Variants in ZBTB1 observed in about 807,000 individuals in gnomAD.
ZBTB1 encodes the protein zinc finger and BTB domain-containing protein 1.
ZBTB1 carries 13 observed loss-of-function variants against 51.6 expected under a neutral mutation model. That is an observed-to-expected ratio of 0.25 (90% CI 0.16 to 0.40). ZBTB1 has a LOEUF of 0.40. ZBTB1 is among the 10% of genes least tolerant of loss of function. ZBTB1 has a pLI of 1.00. For synonymous variants in ZBTB1, 240 were observed against 282.2 expected (o/e 0.85, Z 1.50); for missense variants, 567 against 856.5 (o/e 0.66, Z 4.22).
chr14:64,529,563 G>A (rs1157334448), downstream of ZBTB1, among the ~76,000 whole-genome samples: 3 of 152,072 alleles, frequency 2.0e-5, no homozygotes, highest in African/African-American at 7.2e-5. Flanking sequence ...CTTGAGCCCA[G>A]GAGTTTGAGA....
intron 1 of ZBTB1, among the ~76,000 whole-genome samples, chr14:64,512,329 A>C (rs2079733792): frequency 1.3e-5 from 2 of 152,210 alleles, no homozygotes; most frequent in African/African-American, 4.8e-5. Context: ...AGCACATATT[A>C]AGTGTCAACT....
intron 1 of ZBTB1, among the ~76,000 whole-genome samples, chr14:64,517,975 A>G (rs755395368): frequency 6.6e-6 from 1 of 151,416 alleles, no homozygotes; most frequent in Non-Finnish European, 1.5e-5. Flanking sequence ...CTGGGTTTAC[A>G]GGCATGTGCC....
At chr14:64,510,004 A>G (rs1159292956) in intron 1 of ZBTB1, among the ~76,000 whole-genome samples, 1 of 151,372 alleles carries the variant, frequency 6.6e-6, no homozygotes, top group Non-Finnish European at 1.5e-5. Context: ...AAAGTGTAGG[A>G]TCTGCTCAAA....
intron 1 of ZBTB1, among the ~76,000 whole-genome samples, chr14:64,506,229 C>T (rs1016757891): frequency 6.6e-5 from 10 of 151,984 alleles, no homozygotes; most frequent in Admixed American, 2.0e-4. Flanking sequence ...GGGGTTCCTC[C>T]TCTTAAAGAA....
upstream of ZBTB1, chr14:64,503,717 A>G: frequency 4.9e-6 from 3 of 614,142 alleles, no homozygotes; most frequent in Non-Finnish European, 6.1e-6. Flanking sequence ...CGGGCTCCCA[A>G]GCCGCGCACT....
At position 64,524,187 on chromosome 14, in the gene ZBTB1, TA is replaced by T; in HGVS notation, c.*543del. On this transcript the variant is annotated 3_prime_UTR_variant, in exon 2 of 2. Transcript: ENST00000683701. ...TTAGGCAAGTTAGGTGCACTGAATC[TA>T]ACCTTTAAGGTTGACATGGGCTCAA... is the stretch of plus-strand genomic sequence containing the variant. 2 of 985,348 alleles carry T rather than the reference TA, an allele frequency of 2.0e-6. No homozygotes were observed. Among genetic ancestry groups the T allele is most frequent in the Non-Finnish European group, 2.4e-6 (2 of 829,870 alleles). 61.0% of individuals were successfully genotyped at this position (985,348 alleles called of 1,614,324 possible).
intron 1 of ZBTB1, among the ~76,000 whole-genome samples, chr14:64,520,564 T>C (rs906613060): frequency 8.5e-5 from 13 of 152,162 alleles, no homozygotes; most frequent in Non-Finnish European, 1.8e-4. Context: ...AAATAGATTA[T>C]TTTAACAACA....
At chr14:64,532,048 A>G (rs2079946005) in exon 3 of ZBTB1, 1 of 848,932 alleles carries the variant, frequency 1.2e-6, no homozygotes, top group African/African-American at 1.7e-5. Context: ...AGTTGCAAAG[A>G]TCCAAGAAAA....
chr14:64,517,663 T>G (rs1484910463), intron 1 of ZBTB1, among the ~76,000 whole-genome samples: 2 of 150,934 alleles, frequency 1.3e-5, no homozygotes, highest in Non-Finnish European at 3.0e-5. Context: ...GTGGATTTGT[T>G]TTATATAATT....
Position 64,523,452 on chromosome 14 carries a change from G to A in ZBTB1, c.1948G>A (p.Val650Ile). The change falls in exon 2 of 2, where the codon GTA becomes ATA. Residue 650 changes from valine to isoleucine, a missense_variant. Val to Ile is a conservative substitution (Grantham distance 29). Around this residue, in one of 5 missense-constraint regions of ZBTB1, gnomAD observed 69 missense variants for 171.8 expected, o/e 0.40. Transcript: ENST00000683701. This position sits in a 1 kb window ranked among gnomAD's most constrained non-coding sequence, Gnocchi z 4.5. ...AGGAAACTTCAGAAAACATGACCAT[G>A]TACGGCATATGATTTCTCATTTATC... is the stretch of plus-strand genomic sequence containing the variant. ...DQGNFRKHDHVRHMISHLSAG... is the reference protein window; with the variant it reads ...DQGNFRKHDHIRHMISHLSAG... The A allele has an allele frequency of 6.2e-7, 1 of 1,614,148 alleles. No homozygotes were observed.
intron 1 of ZBTB1, among the ~76,000 whole-genome samples, chr14:64,513,022 T>A (rs2079741205): frequency 6.6e-6 from 1 of 152,154 alleles, no homozygotes; most frequent in South Asian, 2.1e-4. Context: ...TGTTATTTAA[T>A]CTTGAAAATG....
At chr14:64,514,099 C>A (rs1473829306) in intron 1 of ZBTB1, 1 of 152,186 alleles carries the variant, frequency 6.6e-6, no homozygotes, top group African/African-American at 2.4e-5. Context: ...TATGAGTATT[C>A]AATAGATTCT....
intron 1 of ZBTB1, among the ~76,000 whole-genome samples, chr14:64,519,754 G>A (rs2079840216): frequency 6.6e-6 from 1 of 150,720 alleles, no homozygotes; most frequent in Non-Finnish European, 1.5e-5. Context: ...CTCCAGCCTA[G>A]GTAACAGAGC....
At chr14:64,506,676 T>C (rs1364430005) in intron 1 of ZBTB1, among the ~76,000 whole-genome samples, 1 of 152,208 alleles carries the variant, frequency 6.6e-6, no homozygotes, top group East Asian at 1.9e-4. Context: ...CAAGCAGGCT[T>C]TCTCCATTAA....
At chr14:64,532,020 A>G (rs1353320567) in exon 3 of ZBTB1, 1 of 1,222,100 alleles carries the variant, frequency 8.2e-7, no homozygotes, top group Non-Finnish European at 1.1e-6. Context: ...ACAAACTTCC[A>G]TCAACCCAAA....
Position 64,524,716 on chromosome 14 carries a change from G to A in ZBTB1, c.*1070G>A. 1.0e-6 allele frequency: 1 copy of A among 984,882 alleles called. No homozygotes were observed. Among genetic ancestry groups the A allele is most frequent in the Non-Finnish European group, 1.2e-6 (1 of 829,498 alleles). 61.0% of individuals were successfully genotyped at this position (984,882 alleles called of 1,614,324 possible). A position where few individuals can be genotyped will look rare whatever the true frequency, so the allele number is the denominator to read the frequency against. On this transcript the variant is annotated 3_prime_UTR_variant, in exon 2 of 2. Coordinates refer to ENST00000683701, the MANE Select transcript of ZBTB1 (RefSeq NM_001123329.2). Reference sequence around the variant, plus strand: ...GTTTTATACTGTCTAAGATTTGGAGGAAATGTGGCAAATTGCAGTTTATCG... The same window carrying A: ...GTTTTATACTGTCTAAGATTTGGAGAAAATGTGGCAAATTGCAGTTTATCG...
At position 64,521,055 on chromosome 14, in the gene ZBTB1, G is replaced by A. The variant is rs79122684; in HGVS notation, c.-18-432G>A. ...TTTTAAACTTTTTTGTAGAGAAGAG[G>A]TCTCACACTATTGCCCAGGCTGGTC... is the stretch of plus-strand genomic sequence containing the variant. On this transcript the variant is annotated intron_variant, in intron 1 of 1. Transcript: ENST00000683701. Among the ~76,000 whole-genome samples, 743 of 152,100 alleles carry A rather than the reference G, an allele frequency of 4.9e-3. 5 individuals are homozygous for A. Among genetic ancestry groups the A allele is most frequent in the African/African-American group, 0.017 (714 of 41,504 alleles).
At chr14:64,506,553 A>G (rs1382881224) in intron 1 of ZBTB1, among the ~76,000 whole-genome samples, 1 of 152,148 alleles carries the variant, frequency 6.6e-6, no homozygotes, top group African/African-American at 2.4e-5. Flanking sequence ...AACAACAACA[A>G]CAACAAAAAC....
In ZBTB1 at chr14:64,521,896, C is replaced by G; in HGVS notation, c.392C>G (p.Ser131Cys). Reference protein sequence around the residue: ...CSSSKCSSSASSKQNSKMIFG... With the variant: ...CSSSKCSSSACSKQNSKMIFG... Reference sequence around the variant, plus strand: ...AGTTCAAAATGTTCCTCTTCTGCTTCCAGCAAACAGAACAGCAAAATGATA... The same window carrying G: ...AGTTCAAAATGTTCCTCTTCTGCTTGCAGCAAACAGAACAGCAAAATGATA... Residue 131 changes from serine (S) to cysteine (C), a missense_variant, in exon 2 of 2, where the codon TCC becomes TGC. Physicochemically the swap from Ser to Cys is moderately radical, Grantham distance 112. Coordinates refer to ENST00000683701, the MANE Select transcript of ZBTB1 (RefSeq NM_001123329.2). 2 of 1,613,952 alleles carry G rather than the reference C, an allele frequency of 1.2e-6. No individual in the cohort carries two copies. Among genetic ancestry groups the G allele is most frequent in the Non-Finnish European group, 1.7e-6 (2 of 1,180,026 alleles).
Sources: gnomAD v4.1 joint callset for allele counts (sites outside exome capture counted in the v4.1 genomes callset) on GRCh38, gnomAD v4.1.1 for gene constraint, gnomAD v4.1.1 regional missense constraint, Gnocchi (gnomAD v3.1) non-coding constraint, MANE v1.5 for transcripts, NCBI Gene and HGNC (gene_info 2026-07-23, HGNC 2026-07-21) for gene names.